RNLS: variants seen among roughly 807,000 people sequenced by gnomAD.
RNLS encodes the protein renalase.
A neutral mutation model predicts 39.8 loss-of-function variants in RNLS; 39 were observed. That is an observed-to-expected ratio of 0.98 (90% CI 0.76 to 1.28). The LOEUF (loss-of-function observed/expected upper bound fraction) is 1.28, where lower values mean the gene tolerates loss of function less well. Ranked by LOEUF, RNLS falls within the 50% of genes most tolerant of loss-of-function variation. The probability of loss-of-function intolerance (pLI) is 0.00; values close to 1 mark genes in which losing one functional copy is unlikely to be tolerated. For synonymous variants in RNLS, 147 were observed against 150.7 expected (o/e 0.98, Z 0.18); for missense variants, 410 against 413.3 (o/e 0.99, Z 0.07).
At chr10:88,379,921 GC>G (rs1851314055) in intron 4 of RNLS, among the ~76,000 whole-genome samples, 2 of 152,072 alleles carry the variant, frequency 1.3e-5, no homozygotes, top group Non-Finnish European at 1.5e-5. Flanking sequence ...GAAGGTATCA[GC>G]CCCCCGCTGT....
Position 88,558,131 on chromosome 10 carries a change from G to A in RNLS, c.526+14772C>T, listed in dbSNP as rs375524555. On this transcript the variant is annotated intron_variant, in intron 4 of 6. Transcript: ENST00000331772. ...TATGAAAATATTTACATCATGATGC[G>A]TTTATATCAAGCATGGAGAGATTGC... is the stretch of plus-strand genomic sequence containing the variant. Among the ~76,000 whole-genome samples, 38 of 152,162 alleles carry A rather than the reference G, an allele frequency of 2.5e-4. 1 individual carries two copies. Among genetic ancestry groups the A allele is most frequent in the South Asian group, 1.9e-3 (9 of 4,826 alleles).
At chr10:88,469,859 G>T (rs976325097) in intron 4 of RNLS, among the ~76,000 whole-genome samples, 2 of 136,568 alleles carry the variant, frequency 1.5e-5, no homozygotes, top group African/African-American at 2.5e-5. Flanking sequence ...GTGTGTGTGT[G>T]TGCTTTGCTC....
chr10:88,226,738 C>CTTTTT, the RNLS span, among the ~76,000 whole-genome samples: 2 of 69,470 alleles, frequency 2.9e-5, no homozygotes, highest in African/African-American at 6.0e-5. Flanking sequence ...TCTCCCTTCA[C>CTTTTT]TTTTTTTTTT....
At chr10:88,244,113 G>A in the RNLS span, among the ~76,000 whole-genome samples, 8 of 152,320 alleles carry the variant, frequency 5.3e-5, no homozygotes, top group Admixed American at 4.6e-4. Context: ...ACTTGTTTTA[G>A]GCAAGAAGAG....
At chr10:88,426,138 C>A (rs1181541669) in intron 4 of RNLS, among the ~76,000 whole-genome samples, 1 of 152,016 alleles carries the variant, frequency 6.6e-6, no homozygotes, top group Non-Finnish European at 1.5e-5. Flanking sequence ...GCTGTAGACA[C>A]AATGAAATTA....
the RNLS span, among the ~76,000 whole-genome samples, chr10:88,179,991 C>A: frequency 6.6e-6 from 1 of 152,186 alleles, no homozygotes; most frequent in South Asian, 2.1e-4. Flanking sequence ...GAATTGAAGT[C>A]AATTTGGCAC....
At position 88,583,108 on chromosome 10, in the gene RNLS, A is replaced by G. The variant is rs1308996514; in HGVS notation, c.83T>C (p.Leu28Ser). Residue 28 changes from leucine (L) to serine (S), a missense_variant, in exon 1 of 7, where the codon TTG becomes TCG. Physicochemically the swap from Leu to Ser is moderately radical, Grantham distance 145. Coordinates refer to ENST00000331772, the MANE Select transcript of RNLS (RefSeq NM_001031709.3). ...AGCCTTGTCCCACACAGCAAGGTAC[A>G]AGGGACCGGACGTCTGCCTCCTCAG... ...ALLRRQTSGP[L>S]YLAVWDKAED... 6.2e-7 allele frequency: 1 copy of G among 1,614,100 alleles called. No individual in the cohort carries two copies. Among genetic ancestry groups the G allele is most frequent in the Non-Finnish European group, 8.5e-7 (1 of 1,179,946 alleles).
chr10:88,276,128 T>C (rs1449769319), intron 6 of RNLS, among the ~76,000 whole-genome samples: 1 of 152,156 alleles, frequency 6.6e-6, no homozygotes, highest in East Asian at 1.9e-4. Context: ...TTTAGTCCTA[T>C]CTGTATCATT....
At chr10:88,235,107 A>C in the RNLS span, among the ~76,000 whole-genome samples, 1 of 151,742 alleles carries the variant, frequency 6.6e-6, no homozygotes, top group Non-Finnish European at 1.5e-5. Context: ...TAAAAATACA[A>C]AAAAATTAGC....
At chr10:88,280,118 C>A (rs540776612), downstream of RNLS, among the ~76,000 whole-genome samples, 24 of 152,254 alleles carry the variant, frequency 1.6e-4, no homozygotes, top group African/African-American at 4.3e-4. Context: ...CCTCCTCCCC[C>A]CTTTATGATC....
At chr10:88,362,167 A>C (rs1207555367) in intron 5 of RNLS, among the ~76,000 whole-genome samples, 1 of 152,204 alleles carries the variant, frequency 6.6e-6, no homozygotes, top group African/African-American at 2.4e-5. Context: ...GGAGTGGAAG[A>C]GCAGCACTTA....
chr10:88,288,027 C>A (rs544327313), intron 6 of RNLS, among the ~76,000 whole-genome samples: 1 of 152,274 alleles, frequency 6.6e-6, no homozygotes, highest in South Asian at 2.1e-4. Context: ...AACTTTCTGG[C>A]TCTTAATAGG....
chr10:88,403,260 T>C (rs1357896540), intron 4 of RNLS, among the ~76,000 whole-genome samples: 1 of 152,086 alleles, frequency 6.6e-6, no homozygotes, highest in East Asian at 1.9e-4. Context: ...CAAAACCTTA[T>C]TTTGATCTTG....
chr10:88,431,155 T>G (rs983495872), intron 4 of RNLS, among the ~76,000 whole-genome samples: 1 of 151,690 alleles, frequency 6.6e-6, no homozygotes, highest in Non-Finnish European at 1.5e-5. Flanking sequence ...CTTTAGTAGG[T>G]CTAGGGCTGT....
intron 4 of RNLS, among the ~76,000 whole-genome samples, chr10:88,445,182 G>T (rs570701664): frequency 8.3e-4 from 126 of 152,252 alleles, no homozygotes; most frequent in African/African-American, 2.7e-3. Flanking sequence ...GTAAAGAAAA[G>T]AATTTTCAAG....
the RNLS span, among the ~76,000 whole-genome samples, chr10:88,244,721 A>G: frequency 6.6e-6 from 1 of 151,518 alleles, no homozygotes; most frequent in African/African-American, 2.4e-5. Context: ...TCTTTTTAAA[A>G]GAAGGACACA....
At chr10:88,548,289 A>ATG (rs769088140) in intron 4 of RNLS, among the ~76,000 whole-genome samples, 1 of 80,246 alleles carries the variant, frequency 1.2e-5, no homozygotes, top group African/African-American at 6.6e-5. Context: ...AAAAAAAAAA[A>ATG]AAAAGAAAAG....
chr10:88,359,083 C>G (rs1448157535), intron 5 of RNLS, among the ~76,000 whole-genome samples: 1 of 152,136 alleles, frequency 6.6e-6, no homozygotes, highest in Non-Finnish European at 1.5e-5. Flanking sequence ...GAGGCCAAGG[C>G]AGTTGGATCA....
chr10:88,177,014 T>TCTTCAG, the RNLS span, among the ~76,000 whole-genome samples: 1 of 152,342 alleles, frequency 6.6e-6, no homozygotes, highest in East Asian at 1.9e-4. Context: ...CAGAATTCTC[T>TCTTCAG]CTTCATCTTC....
Sources: allele counts gnomAD v4.1 joint callset (sites outside exome capture counted in the v4.1 genomes callset), GRCh38; gene constraint gnomAD v4.1.1; transcripts MANE v1.5; gene names NCBI Gene and HGNC (gene_info 2026-07-23, HGNC 2026-07-21).